Variants in RAB3C observed in about 807,000 individuals in gnomAD.
RAB3C encodes the protein ras-related protein Rab-3C.
RAB3C carries 17 observed loss-of-function variants against 26.4 expected under a neutral mutation model. The ratio of observed to expected loss-of-function variants is 0.64; its 90% CI spans 0.44 to 0.97. The LOEUF (loss-of-function observed/expected upper bound fraction) is 0.97, where lower values mean the gene tolerates loss of function less well. Among genes scored for constraint, RAB3C ranks in the 50% least tolerant of loss-of-function variants. The pLI, the probability that RAB3C is intolerant of heterozygous loss-of-function variation, is 0.00. For missense variants in RAB3C, 242 were observed against 281.9 expected, an observed-to-expected ratio of 0.86 and a Z score of 1.01; for synonymous variants, 91 against 95.9, an observed-to-expected ratio of 0.95 and a Z score of 0.30.
chr5:58,714,949 G>T (rs1435506228), intron 2 of RAB3C, among the ~76,000 whole-genome samples: 3 of 151,922 alleles, frequency 2.0e-5, no homozygotes, highest in African/African-American at 7.2e-5. Flanking sequence ...TTGATAAAAG[G>T]ATTCTGATCC....
At chr5:58,839,702 C>T (rs1743836549) in intron 4 of RAB3C, among the ~76,000 whole-genome samples, 1 of 152,012 alleles carries the variant, frequency 6.6e-6, no homozygotes, top group Non-Finnish European at 1.5e-5. Context: ...TCATATATTG[C>T]CTCTACTAGG....
chr5:58,845,612 ATGTGTGTGTGTGTGTGTGTATATG>A (rs1743978939), intron 4 of RAB3C, among the ~76,000 whole-genome samples: 57 of 81,658 alleles, frequency 7.0e-4, no homozygotes, highest in African/African-American at 1.0e-3. Context: ...ATATATATAT[ATGTGTGTGTGTGTGTGTGTATATG>A]TATATATACA....
intron 3 of RAB3C, among the ~76,000 whole-genome samples, chr5:58,733,483 A>C (rs190200021): frequency 2.0e-5 from 3 of 152,308 alleles, no homozygotes; most frequent in Admixed American, 2.0e-4. Context: ...TATTGGCTTA[A>C]ATCTACAGTT....
chr5:58,594,894 TTAC>T (rs1746215389), intron 1 of RAB3C, among the ~76,000 whole-genome samples: 3 of 150,298 alleles, frequency 2.0e-5, no homozygotes, highest in Admixed American at 6.7e-5. Context: ...TTAGAGTACC[TTAC>T]TAGATATTTT....
At chr5:58,583,382 G>T in intron 1 of RAB3C, 150 bp downstream of exon 1, 1 of 1,513,450 alleles carries the variant, frequency 6.6e-7, no homozygotes, top group Non-Finnish European at 8.9e-7. Flanking sequence ...AACAGAGTTG[G>T]GTTTCTTTAC....
At chr5:58,705,762 CCTCT>C (rs1748930985) in intron 2 of RAB3C, among the ~76,000 whole-genome samples, 1 of 152,126 alleles carries the variant, frequency 6.6e-6, no homozygotes, top group African/African-American at 2.4e-5. Flanking sequence ...TTCATCCCTC[CCTCT>C]GTCTTTCTTT....
intron 4 of RAB3C, among the ~76,000 whole-genome samples, chr5:58,840,738 G>A (rs1318510082): frequency 6.6e-6 from 1 of 152,164 alleles, no homozygotes; most frequent in African/African-American, 2.4e-5. Context: ...GCATAAGCAA[G>A]TTTCTCAGTG....
intron 2 of RAB3C, among the ~76,000 whole-genome samples, chr5:58,687,525 T>G (rs537769633): frequency 6.6e-6 from 1 of 152,254 alleles, no homozygotes; most frequent in East Asian, 1.9e-4. Context: ...AATAATTTGC[T>G]TGGTGGGGGA....
chr5:58,756,355 A>ATATATAACATATATATATAACTAC (rs1561311233), intron 3 of RAB3C, among the ~76,000 whole-genome samples: 7 of 140,984 alleles, frequency 5.0e-5, no homozygotes, highest in East Asian at 2.0e-4. Context: ...TGTTATATAT[A>ATATATAACATATATATATAACTAC]TATATAACAT....
Position 58,583,107 on chromosome 5 carries a change from A to T in RAB3C, c.-102A>T. 1 of 1,592,322 alleles carries T rather than the reference A, an allele frequency of 6.3e-7. No homozygotes were observed. Among genetic ancestry groups the T allele is most frequent in the Non-Finnish European group, 8.5e-7 (1 of 1,170,882 alleles). On this transcript the variant is annotated 5_prime_UTR_variant, in exon 1 of 5. Transcript: ENST00000282878. The stretch of plus-strand genomic sequence containing the variant: ...ATGTTGGAGCCGGTTAGCGAACCCC[A>T]AGAGTGCAGAGTGTGGAGCGTGGAG...
chr5:58,767,596 G>T (rs1239424014), intron 3 of RAB3C, among the ~76,000 whole-genome samples: 1 of 151,982 alleles, frequency 6.6e-6, no homozygotes, highest in African/African-American at 2.4e-5. Flanking sequence ...CTCTTTTTTT[G>T]GCAAAGATTC....
At chr5:58,773,779 C>G (rs1321986696) in intron 3 of RAB3C, among the ~76,000 whole-genome samples, 1 of 152,064 alleles carries the variant, frequency 6.6e-6, no homozygotes, top group African/African-American at 2.4e-5. Flanking sequence ...CCATCACTCC[C>G]TAGTCCCCCT....
At chr5:58,776,122 G>A (rs1291725520) in intron 3 of RAB3C, among the ~76,000 whole-genome samples, 1 of 152,002 alleles carries the variant, frequency 6.6e-6, no homozygotes, top group Non-Finnish European at 1.5e-5. Context: ...CTCAGCCACT[G>A]TTTAGGTCAT....
chr5:58,692,503 G>A (rs1475145924), intron 2 of RAB3C, among the ~76,000 whole-genome samples: 1 of 151,760 alleles, frequency 6.6e-6, no homozygotes, highest in South Asian at 2.1e-4. Context: ...ATTTAAGTGG[G>A]AAAAACATTA....
At chr5:58,778,455 A>G (rs561887689) in intron 3 of RAB3C, among the ~76,000 whole-genome samples, 13 of 152,246 alleles carry the variant, frequency 8.5e-5, no homozygotes. Flanking sequence ...AGTCATGCCC[A>G]TGCCCAATAA....
intron 3 of RAB3C, among the ~76,000 whole-genome samples, chr5:58,808,150 G>C (rs969059759): frequency 1.3e-5 from 2 of 151,132 alleles, no homozygotes; most frequent in Non-Finnish European, 2.9e-5. Context: ...TCGTGAACCT[G>C]GGAGGCAGAG....
chr5:58,592,300 T>A (rs983180962), intron 1 of RAB3C, among the ~76,000 whole-genome samples: 2 of 152,210 alleles, frequency 1.3e-5, no homozygotes, highest in Non-Finnish European at 2.9e-5. Flanking sequence ...TACTTAGAGT[T>A]AATATTATAT....
upstream of RAB3C, chr5:58,582,364 G>A: frequency 1.0e-6 from 1 of 984,578 alleles, no homozygotes; most frequent in Non-Finnish European, 1.2e-6. Context: ...TTTGTAGCGA[G>A]GGCACTTGAG....
chr5:58,639,996 A>C (rs746451559), intron 2 of RAB3C, among the ~76,000 whole-genome samples: 1 of 152,150 alleles, frequency 6.6e-6, no homozygotes, highest in African/African-American at 2.4e-5. Flanking sequence ...TCAATTAATC[A>C]ATGATTTTTT....
Sources: allele counts gnomAD v4.1 joint callset (sites outside exome capture counted in the v4.1 genomes callset), GRCh38; gene constraint gnomAD v4.1.1; transcripts MANE v1.5; gene names NCBI Gene and HGNC (gene_info 2026-07-23, HGNC 2026-07-21).